The following RECQL5 variants were observed in gnomAD, a reference collection of about 807,000 sequenced individuals.
The protein encoded by RECQL5 is ATP-dependent DNA helicase Q5.
Under a neutral mutation model 103.4 loss-of-function variants are expected in RECQL5, and 88 were observed. That is an observed-to-expected ratio of 0.85 (90% confidence interval 0.72 to 1.02). The LOEUF is 1.02. Ranked by LOEUF, RECQL5 falls within the 50% of genes least tolerant of loss-of-function variation. The pLI is 0.00. For synonymous variants in RECQL5, 552 were observed against 507.9 expected (o/e 1.09, Z -1.17); for missense variants, 1,232 against 1,284.3 (o/e 0.96, Z 0.62).
At chr17:75,647,576 T>G in intron 8 of RECQL5, 1 of 1,549,702 alleles carries the variant, frequency 6.5e-7, no homozygotes. Context: ...CCTGACTTGC[T>G]GGGGACTGAG....
At chr17:75,635,882 C>G (rs534932983) in intron 8 of RECQL5, 1 of 985,224 alleles carries the variant, frequency 1.0e-6, no homozygotes, top group Non-Finnish European at 1.2e-6. Flanking sequence ...ATCAGCTCTG[C>G]GAGGAGGAAA....
intron 8 of RECQL5, among the ~76,000 whole-genome samples, 196 bp from the exon 9 acceptor site, chr17:75,631,864 TGAACCAA>T (rs933707112): frequency 6.6e-6 from 1 of 152,176 alleles, no homozygotes; most frequent in African/African-American, 2.4e-5. Flanking sequence ...GACGATAAGG[TGAACCAA>T]CTTTCCCAAG....
intron 8 of RECQL5, among the ~76,000 whole-genome samples, chr17:75,645,912 G>A (rs2059483713): frequency 6.6e-6 from 1 of 152,168 alleles, no homozygotes; most frequent in African/African-American, 2.4e-5. Flanking sequence ...AGCACCCGAG[G>A]GCTAGAAGGG....
At chr17:75,643,205 G>T (rs2059452917) in intron 8 of RECQL5, among the ~76,000 whole-genome samples, 1 of 152,238 alleles carries the variant, frequency 6.6e-6, no homozygotes, top group Non-Finnish European at 1.5e-5. Flanking sequence ...ATGGCCAACA[G>T]GGAAGCAGCC....
intron 3 of RECQL5, among the ~76,000 whole-genome samples, chr17:75,663,214 A>T (rs1361629552): frequency 6.6e-6 from 1 of 152,196 alleles, no homozygotes; most frequent in Non-Finnish European, 1.5e-5. Context: ...GAATATTTGC[A>T]GATTGCATAT....
rs989153440 is a variant in RECQL5 at position 75,636,929 on chromosome 17, GC to G, written c.1230-5262del. On this transcript the variant is annotated intron_variant, in intron 8 of 19. Coordinates refer to ENST00000317905, the MANE Select transcript of RECQL5 (RefSeq NM_004259.7). The surrounding 1 kb of genome is among the most constrained non-coding windows in gnomAD (Gnocchi z 5.4). ...GGCTGGCAAATTCAGCTTCCAGTCA[GC>G]CCCCTAGGGAAGCCCTGGGCGCAAA... The G allele has an allele frequency of 3.3e-5, 5 of 152,180 alleles. No homozygotes were observed. The highest frequency in any genetic ancestry group is 1.2e-4 in the African/African-American group (5 of 41,426). 9.4% of individuals were successfully genotyped at this position (152,180 alleles called of 1,614,324 possible).
chr17:75,654,186 G>GT (rs2059589239), intron 7 of RECQL5, among the ~76,000 whole-genome samples: 1 of 152,178 alleles, frequency 6.6e-6, no homozygotes, highest in Admixed American at 6.5e-5. Flanking sequence ...TTGTGTAACT[G>GT]TGTTTCCCCT....
intron 6 of RECQL5, among the ~76,000 whole-genome samples, chr17:75,660,527 G>A (rs866026508): frequency 1.3e-5 from 2 of 152,240 alleles, no homozygotes; most frequent in African/African-American, 4.8e-5. Context: ...GTAGGCAACT[G>A]TAATGCAAAT....
Position 75,628,331 on chromosome 17 carries a change from T to C in RECQL5, c.2692A>G (p.Thr898Ala), listed in dbSNP as rs1417016810. 1 of 1,614,104 alleles carries C rather than the reference T, an allele frequency of 6.2e-7. No individual in the cohort carries two copies. Among genetic ancestry groups the C allele is most frequent in the East Asian group, 2.2e-5 (1 of 44,878 alleles). ...GAGAGCTGGAAGGGGTCTTGAGCCG[T>C]GGGATTCAAGGTGCCCTGTTCGCTG... ...SASEQGTLNPTAQDPFQLSAP... is the reference protein window; with the variant it reads ...SASEQGTLNPAAQDPFQLSAP... The change falls in exon 18 of 20, where the codon ACG becomes GCG. Residue 898 changes from threonine (T) to alanine (A), a missense_variant. Coordinates refer to ENST00000317905, the MANE Select transcript of RECQL5 (RefSeq NM_004259.7).
In RECQL5 at chr17:75,661,077, G is replaced by A; in HGVS notation, c.875-11C>T. The A allele has an allele frequency of 6.2e-7, 1 of 1,605,654 alleles. No homozygotes were observed. The highest frequency in any genetic ancestry group is 8.5e-7 in the Non-Finnish European group (1 of 1,172,288). On this transcript the variant is annotated splice_polypyrimidine_tract_variant and intron_variant, in intron 5 of 19. Coordinates refer to ENST00000317905, the MANE Select transcript of RECQL5 (RefSeq NM_004259.7). The stretch of plus-strand genomic sequence containing the variant: ...CAGAGGCCTTCAGCCCTGTAAAGGA[G>A]GGGAAGATGGAGAAGGGAACTCACA...
intron 7 of RECQL5, 94 bp from the exon 8 acceptor site, chr17:75,651,359 CG>C (rs2059553544): frequency 1.1e-5 from 16 of 1,417,338 alleles, no homozygotes; most frequent in Non-Finnish European, 1.6e-5. Context: ...CGGTGGCTCA[CG>C]GCTGTAATCC....
At chr17:75,659,531 T>C (rs943059829) in intron 6 of RECQL5, among the ~76,000 whole-genome samples, 1 of 152,038 alleles carries the variant, frequency 6.6e-6, no homozygotes, top group African/African-American at 2.4e-5. Context: ...TAATTTTTAA[T>C]TTTATAGAGA....
rs894650777 is a variant in RECQL5, at chr17:75,640,907, G to A, written c.1230-9239C>T. 1.9e-5 allele frequency: 30 copies of A among 1,541,356 alleles called. No homozygotes were observed. Among genetic ancestry groups the A allele is most frequent in the South Asian group, 4.8e-5 (4 of 84,046 alleles). ...GCCGACACCACCATGACGGACGGGC[G>A]ATGGCTGAGGAGAAGCTGGAGAGGA... On this transcript the variant is annotated intron_variant, in intron 8 of 19. Coordinates refer to ENST00000317905, the MANE Select transcript of RECQL5 (RefSeq NM_004259.7). This position sits in a 1 kb window ranked among gnomAD's most constrained non-coding sequence, Gnocchi z 4.6.
At position 75,640,881 on chromosome 17, in the gene RECQL5, A is replaced by C; in HGVS notation, c.1230-9213T>G. 7 of 1,545,992 alleles carry C rather than the reference A, an allele frequency of 4.5e-6. No individual in the cohort carries two copies. Among genetic ancestry groups the C allele is most frequent in the Non-Finnish European group, 6.1e-6 (7 of 1,146,910 alleles). On this transcript the variant is annotated intron_variant, in intron 8 of 19. Coordinates refer to ENST00000317905, the MANE Select transcript of RECQL5 (RefSeq NM_004259.7). The surrounding 1 kb of genome is among the most constrained non-coding windows in gnomAD (Gnocchi z 4.6). ...CGGAGAGGCAGGAAGGTCCAGGTGC[A>C]GCCGACACCACCATGACGGACGGGC... is the stretch of plus-strand genomic sequence containing the variant.
rs756393873 is a variant in RECQL5 at position 75,666,536 on chromosome 17, A to G, written c.22T>C (p.Phe8Leu). MSSHHTTFPFDPERRVRS... is the reference protein window; with the variant it reads MSSHHTTLPFDPERRVRS... ...ACTCGCCGCTCAGGGTCAAAAGGAA[A>G]GGTGGTATGGTGGCTGCTCATCTTA... The change falls in exon 2 of 20, where the codon TTT becomes CTT. Residue 8 changes from phenylalanine to leucine, a missense_variant. Transcript: ENST00000317905. The G allele has an allele frequency of 6.2e-7, 1 of 1,614,138 alleles. No homozygotes were observed. The highest frequency in any genetic ancestry group is 1.7e-5 in the Admixed American group (1 of 60,018).
chr17:75,665,660 A>G (rs962638231), intron 2 of RECQL5, among the ~76,000 whole-genome samples: 1 of 148,606 alleles, frequency 6.7e-6, no homozygotes, highest in Non-Finnish European at 1.5e-5. Context: ...ACTGCACTCC[A>G]GTGTGGGCGA....
At chr17:75,631,091 G>A (rs2059204354) in intron 10 of RECQL5, 59 bp downstream of exon 10, 1 of 1,610,182 alleles carries the variant, frequency 6.2e-7, no homozygotes, top group African/African-American at 1.3e-5. Context: ...AAGGGGCTGA[G>A]AGGTGCGAGC....
rs775853898 is a variant in RECQL5 at position 75,629,180 on chromosome 17, T to C, written c.2243A>G (p.Lys748Arg). 31 of 1,613,564 alleles carry C rather than the reference T, an allele frequency of 1.9e-5. No homozygotes were observed. In the African/African-American group the frequency reaches 2.0e-4, roughly 10 times the overall value. Reference protein sequence around the residue: ...GSSLAKGRASKKQQLLATAAH... With the variant: ...GSSLAKGRASRKQQLLATAAH... Reference sequence around the variant, plus strand: ...CGCTGTGGCTAGGAGCTGCTGTTTCTTGCTAGCCCGGCCCTTGGCAAGGGA... The same window carrying C: ...CGCTGTGGCTAGGAGCTGCTGTTTCCTGCTAGCCCGGCCCTTGGCAAGGGA... Residue 748 changes from lysine to arginine, a missense_variant, in exon 16 of 20, where the codon AAG (lysine) becomes AGG (arginine). Physicochemically the swap from Lys to Arg is conservative, Grantham distance 26. Transcript: ENST00000317905.
rs1189886543 is a variant in RECQL5, at chr17:75,636,742, A to C, written c.1230-5074T>G. 6.6e-6 allele frequency: 1 copy of C among 152,454 alleles called. No homozygotes were observed. The allele number at this position is 152,454 out of a possible 1,614,324, so 9.4% of individuals were successfully genotyped here. On this transcript the variant is annotated intron_variant, in intron 8 of 19. Coordinates refer to ENST00000317905, the MANE Select transcript of RECQL5 (RefSeq NM_004259.7). The surrounding 1 kb of genome is among the most constrained non-coding windows in gnomAD (Gnocchi z 5.4). ...CAGTCGCGGGTTTACGCTCCAAATGACAAGATATCAACTGCAAAACAAAGG... is the reference window on the plus strand; with the variant it reads ...CAGTCGCGGGTTTACGCTCCAAATGCCAAGATATCAACTGCAAAACAAAGG...
Sources: gnomAD v4.1 joint callset for allele counts (sites outside exome capture counted in the v4.1 genomes callset) on GRCh38, gnomAD v4.1.1 for gene constraint, Gnocchi (gnomAD v3.1) non-coding constraint, MANE v1.5 for transcripts, NCBI Gene and HGNC (gene_info 2026-07-23, HGNC 2026-07-21) for gene names.